Variants in CADM2 observed in about 807,000 individuals in gnomAD.
The protein encoded by CADM2 is immunoglobulin superfamily member 4D.
CADM2 carries 12 observed loss-of-function variants against 49.8 expected under a neutral mutation model. The observed-to-expected ratio is 0.24, with a 90% CI of 0.15 to 0.39. The LOEUF is 0.39. Ranked by LOEUF, CADM2 falls within the 10% of genes least tolerant of loss-of-function variation. CADM2 has a pLI of 1.00. For missense variants in CADM2, 378 were observed against 492.3 expected, an observed-to-expected ratio of 0.77 and a Z score of 2.20; for synonymous variants, 214 against 175.4, an observed-to-expected ratio of 1.22 and a Z score of -1.74.
chr3:85,796,240 C>T (rs1378656087), intron 2 of CADM2, among the ~76,000 whole-genome samples: 2 of 152,136 alleles, frequency 1.3e-5, no homozygotes, highest in African/African-American at 4.8e-5. Flanking sequence ...ATCAGGGACC[C>T]AAGAAAAGTG....
intron 3 of CADM2, among the ~76,000 whole-genome samples, chr3:85,865,427 A>G (rs903794872): frequency 6.6e-6 from 1 of 152,218 alleles, no homozygotes; most frequent in African/African-American, 2.4e-5. Context: ...TTTGCAAAGA[A>G]AGCATGGAGC....
At chr3:86,021,048 G>A (rs138344400) in intron 8 of CADM2, among the ~76,000 whole-genome samples, 2,547 of 152,208 alleles carry the variant, frequency 0.017, 33 homozygotes, top group Non-Finnish European at 0.025. Flanking sequence ...CACACAGGCT[G>A]GAGTGCGGTG....
intron 1 of CADM2, among the ~76,000 whole-genome samples, chr3:85,514,638 A>G (rs1172432915): frequency 2.0e-4 from 30 of 152,118 alleles, no homozygotes; most frequent in Non-Finnish European, 8.8e-5. Flanking sequence ...ATCCAATGAT[A>G]TCTTGTGACC....
At chr3:85,871,202 C>T (rs1439047962) in intron 3 of CADM2, among the ~76,000 whole-genome samples, 1 of 152,036 alleles carries the variant, frequency 6.6e-6, no homozygotes, top group African/African-American at 2.4e-5. Context: ...TAAACAACCC[C>T]ATTAAAAAGT....
chr3:84,972,191 G>A (rs1392120810), intron 1 of CADM2, among the ~76,000 whole-genome samples: 2 of 152,204 alleles, frequency 1.3e-5, no homozygotes, highest in African/African-American at 4.8e-5. Context: ...AGACTGAGTG[G>A]TTGGAACCAC....
At chr3:85,476,713 C>A (rs970138612) in intron 1 of CADM2, among the ~76,000 whole-genome samples, 4 of 151,788 alleles carry the variant, frequency 2.6e-5, no homozygotes, top group African/African-American at 9.7e-5. Flanking sequence ...TTATTTTTAA[C>A]GCATGGCTTG....
chr3:86,037,264 T>A (rs1735280520), intron 8 of CADM2, among the ~76,000 whole-genome samples: 1 of 152,206 alleles, frequency 6.6e-6, no homozygotes, highest in African/African-American at 2.4e-5. Context: ...TAAGCACAAA[T>A]GTGTTACTTT....
At chr3:85,988,464 TTAAA>T (rs747290445) in intron 8 of CADM2, among the ~76,000 whole-genome samples, 4 of 152,174 alleles carry the variant, frequency 2.6e-5, no homozygotes, top group Non-Finnish European at 2.9e-5. Context: ...ACACTGTTTC[TTAAA>T]TAAAGAAATA....
chr3:85,657,759 CAGATATATATATATATACAT>C (rs2065254934), intron 1 of CADM2, among the ~76,000 whole-genome samples: 1 of 98,362 alleles, frequency 1.0e-5, no homozygotes, highest in Non-Finnish European at 2.2e-5. Context: ...TATATATACA[CAGATATATATATATATACAT>C]ATACATGTTT....
intron 1 of CADM2, among the ~76,000 whole-genome samples, chr3:85,643,917 G>T (rs2064808282): frequency 6.6e-6 from 1 of 152,026 alleles, no homozygotes; most frequent in Admixed American, 6.6e-5. Flanking sequence ...TCTAAATACA[G>T]CTACATTGGG....
chr3:85,982,766 GTT>G (rs1373923957), intron 8 of CADM2, among the ~76,000 whole-genome samples: 2 of 151,554 alleles, frequency 1.3e-5, no homozygotes, highest in African/African-American at 4.8e-5. Flanking sequence ...TTATTTATAA[GTT>G]TGTGAAAGAT....
At chr3:85,209,446 G>A (rs149809840) in intron 1 of CADM2, among the ~76,000 whole-genome samples, 30 of 152,022 alleles carry the variant, frequency 2.0e-4, no homozygotes, top group African/African-American at 7.0e-4. Context: ...AAATTCTCTC[G>A]AAGCCCAAGC....
intron 7 of CADM2, among the ~76,000 whole-genome samples, chr3:85,946,807 A>G (rs1405291640): frequency 6.6e-6 from 1 of 152,200 alleles, no homozygotes; most frequent in Non-Finnish European, 1.5e-5. Flanking sequence ...AAGATGGATT[A>G]AAGACTTAAA....
chr3:85,578,534 G>A (rs1262355466), intron 1 of CADM2, among the ~76,000 whole-genome samples: 1 of 152,162 alleles, frequency 6.6e-6, no homozygotes, highest in Admixed American at 6.5e-5. Context: ...CCCTTCTGGA[G>A]GGTAAACTTT....
At chr3:85,699,885 C>G (rs1323513580) in intron 1 of CADM2, among the ~76,000 whole-genome samples, 2 of 152,184 alleles carry the variant, frequency 1.3e-5, no homozygotes, top group African/African-American at 4.8e-5. Context: ...ATCAAATGGG[C>G]AGGCTGCAAA....
chr3:85,870,058 G>A (rs2075865154), intron 3 of CADM2, among the ~76,000 whole-genome samples: 1 of 152,098 alleles, frequency 6.6e-6, no homozygotes, highest in African/African-American at 2.4e-5. Flanking sequence ...CTTTTATACT[G>A]TTAACTTCTT....
intron 8 of CADM2, among the ~76,000 whole-genome samples, chr3:85,999,223 G>GTA (rs1257021919): frequency 6.6e-6 from 1 of 150,934 alleles, no homozygotes; most frequent in Non-Finnish European, 1.5e-5. Flanking sequence ...ATTTTGCCAG[G>GTA]CGTGGTGGCT....
intron 1 of CADM2, among the ~76,000 whole-genome samples, chr3:85,095,159 T>A (rs566495003): frequency 4.3e-4 from 65 of 152,308 alleles, no homozygotes; most frequent in Non-Finnish European, 8.2e-4. Flanking sequence ...TTTTAATTTA[T>A]AAATGGAAAG....
intron 1 of CADM2, among the ~76,000 whole-genome samples, chr3:85,502,969 T>C (rs924916703): frequency 6.7e-5 from 10 of 149,358 alleles, no homozygotes; most frequent in African/African-American, 2.4e-4. Flanking sequence ...TAAAAGATTG[T>C]AAAAGAAAAA....
Sources: gnomAD v4.1 joint callset for allele counts (sites outside exome capture counted in the v4.1 genomes callset) on GRCh38, gnomAD v4.1.1 for gene constraint, MANE v1.5 for transcripts, NCBI Gene and HGNC (gene_info 2026-07-23, HGNC 2026-07-21) for gene names.